The following DCTN4 variants were observed in gnomAD, a reference collection of about 807,000 sequenced individuals.
DCTN4 encodes the protein dynactin subunit 4, also known as dynactin 4 (p62).
In DCTN4, 23 loss-of-function variants were observed where a neutral mutation model predicts 62.7. The observed-to-expected ratio is 0.37, with a 90% CI of 0.26 to 0.52. DCTN4 has a LOEUF of 0.52. Ranked by LOEUF, DCTN4 falls within the 20% of genes least tolerant of loss-of-function variation. The pLI is 0.92. For missense variants in DCTN4, 514 were observed against 580.4 expected, an observed-to-expected ratio of 0.89 and a Z score of 1.18; for synonymous variants, 199 against 202.1, an observed-to-expected ratio of 0.98 and a Z score of 0.13.
intron 3 of DCTN4, among the ~76,000 whole-genome samples, chr5:150,743,671 G>A (rs1344238454): frequency 6.6e-6 from 1 of 152,186 alleles, no homozygotes; most frequent in Non-Finnish European, 1.5e-5. Flanking sequence ...AGACACCACT[G>A]CTGATACCCA....
chr5:150,731,658 T>C (rs1760375033), intron 5 of DCTN4, 169 bp from the exon 6 acceptor site: 3 of 644,184 alleles, frequency 4.7e-6, no homozygotes, highest in Non-Finnish European at 8.0e-6. Flanking sequence ...CACATCATTA[T>C]TCTATTCTTA....
chr5:150,740,006 A>G (rs758424335), intron 4 of DCTN4, among the ~76,000 whole-genome samples: 13 of 152,344 alleles, frequency 8.5e-5, no homozygotes, highest in Non-Finnish European at 1.9e-4. Context: ...ATCCTTCTAG[A>G]CATTGGCTTA....
intron 9 of DCTN4, among the ~76,000 whole-genome samples, chr5:150,720,734 C>A (rs558726125): frequency 6.6e-6 from 1 of 152,246 alleles, no homozygotes; most frequent in Non-Finnish European, 1.5e-5. Context: ...CTGCCTTGGC[C>A]TCCCCAAATG....
At chr5:150,757,571 G>C (rs1029619518) in intron 1 of DCTN4, among the ~76,000 whole-genome samples, 15 of 152,206 alleles carry the variant, frequency 9.9e-5, no homozygotes, top group African/African-American at 3.1e-4. Context: ...TTCACCACAG[G>C]AGAATATGAT....
Position 150,710,848 on chromosome 5 carries a change from A to G in DCTN4, c.*301T>C, listed in dbSNP as rs765185988. 3 of 391,646 alleles carry G rather than the reference A, an allele frequency of 7.7e-6. No individual in the cohort carries two copies. Among genetic ancestry groups the G allele is most frequent in the Non-Finnish European group, 1.4e-5 (3 of 207,312 alleles). The allele number at this position is 391,646 out of a possible 1,614,324, so 24.3% of individuals were successfully genotyped here. A position where few individuals can be genotyped will look rare whatever the true frequency, so the allele number is the denominator to read the frequency against. ...CAGAGTTTCTCAGGTGGTAAATACA[A>G]TGCCATTCCAAGGAACACCCATCCC... On this transcript the variant is annotated 3_prime_UTR_variant, in exon 13 of 13. Transcript: ENST00000447998.
rs555308858 is a variant in DCTN4 at position 150,733,415 on chromosome 5, G to A, written c.490C>T (p.Arg164Cys). ...LAQKEKVERDRKKLARRRNYM... is the reference protein window; with the variant it reads ...LAQKEKVERDCKKLARRRNYM... The stretch of plus-strand genomic sequence containing the variant: ...TTTCTACGTCGTGCCAGTTTCTTGC[G>A]ATCTCGCTCAACCTTCTCTTTCTGA... Residue 164 changes from arginine (R) to cysteine (C), a missense_variant, in exon 5 of 13, where the codon CGC becomes TGC. Coordinates refer to ENST00000447998, the MANE Select transcript of DCTN4 (RefSeq NM_016221.4). 5.6e-6 allele frequency: 9 copies of A among 1,613,972 alleles called. No individual in the cohort carries two copies. The highest frequency in any genetic ancestry group is 2.2e-5 in the South Asian group (2 of 91,056).
At chr5:150,738,295 A>C (rs1277698962) in intron 4 of DCTN4, among the ~76,000 whole-genome samples, 3 of 152,214 alleles carry the variant, frequency 2.0e-5, no homozygotes, top group African/African-American at 7.2e-5. Context: ...TACCGAAACC[A>C]GGAAGGGACA....
chr5:150,755,053 G>C (rs1752808558), intron 2 of DCTN4, among the ~76,000 whole-genome samples: 1 of 152,030 alleles, frequency 6.6e-6, no homozygotes, highest in East Asian at 1.9e-4. Flanking sequence ...GTAATGAACA[G>C]AGAACTCTCT....
At chr5:150,714,798 C>T (rs1457987265) in intron 12 of DCTN4, among the ~76,000 whole-genome samples, 2 of 152,160 alleles carry the variant, frequency 1.3e-5, no homozygotes, top group African/African-American at 4.8e-5. Context: ...CAGTGTTCCC[C>T]TTCAGCTCAC....
intron 8 of DCTN4, among the ~76,000 whole-genome samples, chr5:150,728,286 A>G (rs1365577758): frequency 1.3e-5 from 2 of 152,196 alleles, no homozygotes; most frequent in Non-Finnish European, 2.9e-5. Context: ...TCATCTTCTG[A>G]AAAATGTTCA....
At chr5:150,748,843 C>G (rs551753996) in intron 3 of DCTN4, among the ~76,000 whole-genome samples, 1 of 145,908 alleles carries the variant, frequency 6.9e-6, no homozygotes, top group Admixed American at 6.8e-5. Context: ...TGCTAAATGA[C>G]GAGTTAATGG....
intron 8 of DCTN4, among the ~76,000 whole-genome samples, chr5:150,728,894 AACAG>A (rs1760250995): frequency 6.7e-6 from 1 of 148,408 alleles, no homozygotes; most frequent in African/African-American, 2.5e-5. Context: ...TTTTTTTTTT[AACAG>A]ACAGGGTCTT....
intron 3 of DCTN4, among the ~76,000 whole-genome samples, chr5:150,750,435 T>C (rs1021625528): frequency 1.3e-4 from 20 of 152,218 alleles, no homozygotes; most frequent in African/African-American, 4.6e-4. Flanking sequence ...ACACAACTTA[T>C]GACTGGCAAT....
At chr5:150,732,051 C>T (rs6870435) in intron 5 of DCTN4, 70,262 of 749,166 alleles carry the variant, frequency 0.094, 6,406 homozygotes, top group African/African-American at 0.35. Context: ...AAATATAACA[C>T]ACATTGGTGC....
intron 1 of DCTN4, 30 bp from the exon 2 acceptor site, chr5:150,756,517 C>A (rs779988319): frequency 4.5e-5 from 62 of 1,387,572 alleles, no homozygotes; most frequent in African/African-American, 7.3e-5. Context: ...AAAAAAAAAA[C>A]CAGAGGAGAA....
chr5:150,742,762 C>T (rs1049150486), intron 3 of DCTN4: 1 of 152,502 alleles, frequency 6.6e-6, no homozygotes, highest in Admixed American at 6.5e-5. Flanking sequence ...AAAACAAAAA[C>T]CTCAAAAACC....
chr5:150,731,090 T>C lies in DCTN4; in HGVS notation c.678A>G (p.Glu226=), dbSNP rs1158401776. 6.2e-7 allele frequency: 1 copy of C among 1,612,468 alleles called. No homozygotes were observed. The highest frequency in any genetic ancestry group is 8.5e-7 in the Non-Finnish European group (1 of 1,178,624). The change falls in exon 7 of 13, where the codon GAA becomes GAG. Residue 226 remains glutamate, a synonymous_variant. Transcript: ENST00000447998. ...TTGTATAATAGTCTTCAGGTAGAGG[T>C]TCCACTTCATCCACAGCCTGAGCTG... ...IEPAQAVDEV[E]PLPEDYYTRP...
In DCTN4 at chr5:150,741,513, C is replaced by T. The variant is rs141824443; in HGVS notation, c.429+601G>A. Among the ~76,000 whole-genome samples, 304 of 151,354 alleles carry T rather than the reference C, an allele frequency of 2.0e-3. 1 individual carries two copies. Among genetic ancestry groups the T allele is most frequent in the African/African-American group, 7.1e-3 (292 of 41,178 alleles). On this transcript the variant is annotated intron_variant, in intron 4 of 12. Coordinates refer to ENST00000447998, the MANE Select transcript of DCTN4 (RefSeq NM_016221.4). ...TTTCTTTTTTTGAGACACAGCCTTG[C>T]TCTATTGCCTAGGATGGAGCGTGGT...
chr5:150,713,655 G>A (rs1759653454), intron 12 of DCTN4, among the ~76,000 whole-genome samples: 1 of 150,866 alleles, frequency 6.6e-6, no homozygotes, highest in Non-Finnish European at 1.5e-5. Context: ...TGTTGGCCAG[G>A]CTGGTCTCAA....
Sources: gnomAD v4.1 joint callset for allele counts (sites outside exome capture counted in the v4.1 genomes callset) on GRCh38, gnomAD v4.1.1 for gene constraint, MANE v1.5 for transcripts, NCBI Gene and HGNC (gene_info 2026-07-23, HGNC 2026-07-21) for gene names.